Variants in ATP8B3 observed in about 807,000 individuals in gnomAD.
ATP8B3 encodes ATPase phospholipid transporting 8B3, also known as phospholipid-transporting ATPase IK.
In ATP8B3, 141 loss-of-function variants were observed where a neutral mutation model predicts 140.9. The ratio of observed to expected loss-of-function variants is 1.00; its 90% CI spans 0.87 to 1.15. ATP8B3 has a LOEUF of 1.15. Ranked by LOEUF, ATP8B3 falls within the 50% of genes most tolerant of loss-of-function variation. The pLI is 0.00. For missense variants in ATP8B3, 1,874 were observed against 1,740.6 expected, an observed-to-expected ratio of 1.08 and a Z score of -1.36; for synonymous variants, 765 against 714.6, an observed-to-expected ratio of 1.07 and a Z score of -1.13.
In ATP8B3 at chr19:1,806,093, T is replaced by A; in HGVS notation, c.750+4A>T. 6.2e-7 allele frequency: 1 copy of A among 1,601,406 alleles called. No individual in the cohort carries two copies. Among genetic ancestry groups the A allele is most frequent in the Non-Finnish European group, 8.5e-7 (1 of 1,174,618 alleles). On this transcript the variant is annotated splice_donor_region_variant and intron_variant, in intron 8 of 28. Coordinates refer to ENST00000310127, the MANE Select transcript of ATP8B3 (RefSeq NM_138813.4). The surrounding 1 kb of genome is among the most constrained non-coding windows in gnomAD (Gnocchi z 5.6). ...CTGGGACCTCGGGGTCAACCCCAGCTCACTGGGACGATGTTGTCCTTGCGG... is the reference window on the plus strand; with the variant it reads ...CTGGGACCTCGGGGTCAACCCCAGCACACTGGGACGATGTTGTCCTTGCGG...
rs549492441 is a variant in ATP8B3, at chr19:1,811,606, C to T, written c.131G>A (p.Arg44His). The T allele has an allele frequency of 2.9e-5, 46 of 1,612,100 alleles. 1 individual carries two copies. The South Asian group carries it at 3.6e-4, about 13-fold the overall frequency. ...TQEGSGPAGIRGGETVIRAGM... is the reference protein window; with the variant it reads ...TQEGSGPAGIHGGETVIRAGM... Reference sequence around the variant, plus strand: ...AGCTCTGATCACCGTCTCACCTCCGCGGATGCCAGCAGGACCTGAGCCTTC... The same window carrying T: ...AGCTCTGATCACCGTCTCACCTCCGTGGATGCCAGCAGGACCTGAGCCTTC... Residue 44 changes from arginine (R) to histidine (H), a missense_variant, in exon 2 of 29, where the codon CGC (arginine) becomes CAC (histidine). Around this residue, in one of 3 missense-constraint regions of ATP8B3, gnomAD observed 1,032 missense variants for 963.6 expected, o/e 1.07. Transcript: ENST00000310127.
At chr19:1,809,863 G>C in intron 3 of ATP8B3, 129 bp from the exon 4 acceptor site, 1 of 795,554 alleles carries the variant, frequency 1.3e-6, no homozygotes, top group Non-Finnish European at 2.1e-6. Flanking sequence ...GTCAGAGCCC[G>C]TAAACAGACA....
Position 1,806,740 on chromosome 19 carries a change from C to A in ATP8B3, c.616-51G>T. On this transcript the variant is annotated intron_variant, in intron 6 of 28. Coordinates refer to ENST00000310127, the MANE Select transcript of ATP8B3 (RefSeq NM_138813.4). This position sits in a 1 kb window ranked among gnomAD's most constrained non-coding sequence, Gnocchi z 5.6. ...GAGACCGTCCAGCCTCTCCTGCCCCCGCCCAGGCCGCTGCCGCACTGCAGC... is the reference window on the plus strand; with the variant it reads ...GAGACCGTCCAGCCTCTCCTGCCCCAGCCCAGGCCGCTGCCGCACTGCAGC... 6.5e-7 allele frequency: 1 copy of A among 1,538,052 alleles called. No individual in the cohort carries two copies. The highest frequency in any genetic ancestry group is 8.8e-7 in the Non-Finnish European group (1 of 1,136,018).
Position 1,806,149 on chromosome 19 carries a change from T to C in ATP8B3, c.698A>G (p.Gln233Arg). 1.3e-6 allele frequency: 2 copies of C among 1,598,304 alleles called. No individual in the cohort carries two copies. The highest frequency in any genetic ancestry group is 1.7e-6 in the Non-Finnish European group (2 of 1,173,090). ...MGKSFKQKKWQDLCVGDVVCL... is the reference protein window; with the variant it reads ...MGKSFKQKKWRDLCVGDVVCL... The stretch of plus-strand genomic sequence containing the variant: ...GACCACATCCCCCACGCACAGATCC[T>C]GCCATTTCTTCTGCTTGAAGCTGCG... The change falls in exon 8 of 29, where the codon CAG becomes CGG. Residue 233 changes from glutamine to arginine, a missense_variant. Coordinates refer to ENST00000310127, the MANE Select transcript of ATP8B3 (RefSeq NM_138813.4). This position sits in a 1 kb window ranked among gnomAD's most constrained non-coding sequence, Gnocchi z 5.6.
chr19:1,791,610 C>T, intron 20 of ATP8B3, 140 bp downstream of exon 20: 1 of 647,424 alleles, frequency 1.5e-6, no homozygotes, highest in Non-Finnish European at 2.7e-6. Flanking sequence ...CCCTGCTGGT[C>T]TCGAACTTCT....
chr19:1,791,965 AC>A (rs2068525109), intron 19 of ATP8B3, 35 bp downstream of exon 19: 1 of 756,948 alleles, frequency 1.3e-6, no homozygotes. Flanking sequence ...CCCGCTGCCC[AC>A]CCACCCTGAG....
chr19:1,800,367 T>C lies in ATP8B3; in HGVS notation c.1235A>G (p.Tyr412Cys). The C allele has an allele frequency of 6.2e-7, 1 of 1,611,866 alleles. No individual in the cohort carries two copies. The highest frequency in any genetic ancestry group is 8.5e-7 in the Non-Finnish European group (1 of 1,179,630). ...GCTCCCATGCACCCCCGAGAGGTAG[T>C]AGTGGTGGTCTTTGAATTCTTTGAC... ...FSVKEFKDHH[Y>C]YLSGVHGSSV... The change falls in exon 13 of 29, where the codon TAC (tyrosine) becomes TGC (cysteine). Residue 412 changes from tyrosine (Y) to cysteine (C), a missense_variant. Transcript: ENST00000310127. This position sits in a 1 kb window ranked among gnomAD's most constrained non-coding sequence, Gnocchi z 4.4.
rs1443196516 is a variant in ATP8B3 at position 1,806,352 on chromosome 19, G to C, written c.678-183C>G. 2 of 1,456,392 alleles carry C rather than the reference G, an allele frequency of 1.4e-6. No homozygotes were observed. The highest frequency in any genetic ancestry group is 2.9e-5 in the African/African-American group (2 of 70,072). 90.2% of individuals were successfully genotyped at this position (1,456,392 alleles called of 1,614,324 possible). A position where few individuals can be genotyped will look rare whatever the true frequency, so the allele number is the denominator to read the frequency against. On this transcript the variant is annotated intron_variant, in intron 7 of 28. Coordinates refer to ENST00000310127, the MANE Select transcript of ATP8B3 (RefSeq NM_138813.4). This position sits in a 1 kb window ranked among gnomAD's most constrained non-coding sequence, Gnocchi z 5.6. ...CCCCGCGGGTCCACGCTCCCACCCAGTGACCTCCAGGGTCCTGCACCCACG... is the reference window on the plus strand; with the variant it reads ...CCCCGCGGGTCCACGCTCCCACCCACTGACCTCCAGGGTCCTGCACCCACG...
rs2068983821 is a variant in ATP8B3 at position 1,805,519 on chromosome 19, A to AC, written c.822-64dup. The AC allele has an allele frequency of 1.5e-6, 2 of 1,369,314 alleles. No individual in the cohort carries two copies. The highest frequency in any genetic ancestry group is 2.9e-5 in the African/African-American group (2 of 69,150). 84.8% of individuals were successfully genotyped at this position (1,369,314 alleles called of 1,614,324 possible). ...GATGGATGCTTCGAGGAGCCCCCAG[A>AC]CCCCTTCTGGAGTCACTCAAACATT... On this transcript the variant is annotated intron_variant, in intron 9 of 28. Coordinates refer to ENST00000310127, the MANE Select transcript of ATP8B3 (RefSeq NM_138813.4). The surrounding 1 kb of genome is among the most constrained non-coding windows in gnomAD (Gnocchi z 5.2).
intron 28 of ATP8B3, among the ~76,000 whole-genome samples, chr19:1,783,806 T>C (rs2068226026): frequency 6.6e-6 from 1 of 152,162 alleles, no homozygotes; most frequent in Admixed American, 6.5e-5. Flanking sequence ...TGCTTTTCCA[T>C]GCATGCTTTG....
At chr19:1,798,499 G>A (rs573137195) in intron 14 of ATP8B3, among the ~76,000 whole-genome samples, 10 of 152,008 alleles carry the variant, frequency 6.6e-5, no homozygotes, top group South Asian at 4.2e-4. Flanking sequence ...AGCACTTTGG[G>A]AGGCTGAGGC....
At position 1,785,178 on chromosome 19, in the gene ATP8B3, G is replaced by T. The variant is rs547355137; in HGVS notation, c.3513C>A (p.Pro1171=). ...TQSFWLFRVS[P]TTFPFLYADL... ...GCTCACACAGAAACGGGAAGGTCGT[G>T]GGGGATACTCTGAAGAGCCAGAAGC... The change falls in exon 27 of 29, where the codon CCC becomes CCA. Residue 1171 remains proline (P), a synonymous_variant. Transcript: ENST00000310127. 1 of 1,591,590 alleles carries T rather than the reference G, an allele frequency of 6.3e-7. No individual in the cohort carries two copies. The highest frequency in any genetic ancestry group is 1.1e-5 in the South Asian group (1 of 87,520).
rs1466472674 is a variant in ATP8B3 at position 1,796,281 on chromosome 19, G to T, written c.1754-16C>A. 2.5e-6 allele frequency: 4 copies of T among 1,592,504 alleles called. No individual in the cohort carries two copies. Among genetic ancestry groups the T allele is most frequent in the East Asian group, 4.5e-5 (2 of 44,088 alleles). On this transcript the variant is annotated splice_polypyrimidine_tract_variant and intron_variant, in intron 16 of 28. Transcript: ENST00000310127. ...AACAGCTGGTCTGGTAGGGAGGGGG[G>T]CCATTTTGGGGTCACGTGGTGGAGC...
At position 1,796,280 on chromosome 19, in the gene ATP8B3, G is replaced by C. The variant is rs765666868; in HGVS notation, c.1754-15C>G. On this transcript the variant is annotated splice_polypyrimidine_tract_variant and intron_variant, in intron 16 of 28. Transcript: ENST00000310127. The stretch of plus-strand genomic sequence containing the variant: ...CAACAGCTGGTCTGGTAGGGAGGGG[G>C]GCCATTTTGGGGTCACGTGGTGGAG... 6.3e-6 allele frequency: 10 copies of C among 1,593,370 alleles called. No homozygotes were observed. The highest frequency in any genetic ancestry group is 1.3e-5 in the African/African-American group (1 of 74,554).
At chr19:1,796,905 G>A (rs2145190612) in intron 15 of ATP8B3, 26 bp from the exon 16 acceptor site, 1 of 1,610,728 alleles carries the variant, frequency 6.2e-7, no homozygotes, top group East Asian at 2.2e-5. Context: ...GCACGGGCCG[G>A]CTGTGGGTGG....
intron 18 of ATP8B3, among the ~76,000 whole-genome samples, chr19:1,793,880 C>T (rs146093319): frequency 2.1e-3 from 314 of 152,008 alleles, no homozygotes; most frequent in African/African-American, 6.9e-3. Context: ...GTAGCTGAGA[C>T]TACAGGCCTG....
Position 1,805,860 on chromosome 19 carries a change from G to C in ATP8B3, c.821+28C>G. 2 of 1,612,034 alleles carry C rather than the reference G, an allele frequency of 1.2e-6. No individual in the cohort carries two copies. Among genetic ancestry groups the C allele is most frequent in the Non-Finnish European group, 1.7e-6 (2 of 1,179,282 alleles). On this transcript the variant is annotated intron_variant, in intron 9 of 28. Coordinates refer to ENST00000310127, the MANE Select transcript of ATP8B3 (RefSeq NM_138813.4). This position sits in a 1 kb window ranked among gnomAD's most constrained non-coding sequence, Gnocchi z 5.2. The stretch of plus-strand genomic sequence containing the variant: ...CCGGGCCATGCTCCCCACCCCCCAG[G>C]GTCCCCAGCGATGCCACAGCTCCTC...
chr19:1,802,418 C>CCA, intron 11 of ATP8B3, 69 bp downstream of exon 11: 8 of 664,282 alleles, frequency 1.2e-5, no homozygotes, highest in Non-Finnish European at 1.9e-5. Context: ...CCCACCCACC[C>CCA]ATCCCCACAT....
rs148488398 is a variant in ATP8B3, at chr19:1,795,043, G to T, written c.2055+832C>A. ...AGGGCGAGGCGGGTGGATCACCTGA[G>T]GTCACGAGTTGGAGACCAGCCTGGC... is the stretch of plus-strand genomic sequence containing the variant. On this transcript the variant is annotated intron_variant, in intron 18 of 28. Coordinates refer to ENST00000310127, the MANE Select transcript of ATP8B3 (RefSeq NM_138813.4). Among the ~76,000 whole-genome samples the T allele has an allele frequency of 2.0e-5, 3 of 152,302 alleles. No individual in the cohort carries two copies. In the East Asian group the frequency reaches 5.8e-4, roughly 29 times the overall value.
Sources: allele counts gnomAD v4.1 joint callset (sites outside exome capture counted in the v4.1 genomes callset), GRCh38; gene constraint gnomAD v4.1.1; regional missense constraint gnomAD v4.1.1; non-coding constraint Gnocchi (gnomAD v3.1); transcripts MANE v1.5; gene names NCBI Gene and HGNC (gene_info 2026-07-23, HGNC 2026-07-21).